ATRNL1: variants seen among roughly 807,000 people sequenced by gnomAD.
ATRNL1 encodes the protein attractin-like protein 1.
A neutral mutation model predicts 182.7 loss-of-function variants in ATRNL1; 95 were observed. That is an observed-to-expected ratio of 0.52 (90% CI 0.44 to 0.62). The LOEUF is 0.62. Ranked by LOEUF, ATRNL1 falls within the 20% of genes least tolerant of loss-of-function variation. The pLI is 0.00. For synonymous variants in ATRNL1, 576 were observed against 568.3 expected (o/e 1.01, Z -0.19); for missense variants, 1,471 against 1,679.5 (o/e 0.88, Z 2.17).
intron 19 of ATRNL1, among the ~76,000 whole-genome samples, chr10:115,335,295 C>T (rs546825571): frequency 4.7e-4 from 71 of 152,202 alleles, no homozygotes; most frequent in African/African-American, 1.5e-3. Flanking sequence ...CACAGAAATA[C>T]GTTTTTGGCT....
chr10:115,365,018 A>G (rs1212079954), intron 19 of ATRNL1, among the ~76,000 whole-genome samples: 4 of 149,650 alleles, frequency 2.7e-5, no homozygotes, highest in South Asian at 4.3e-4. Context: ...TTGGTATCAG[A>G]ATGATGCTGG....
chr10:115,463,968 A>G (rs1393302263), intron 22 of ATRNL1, among the ~76,000 whole-genome samples: 2 of 152,050 alleles, frequency 1.3e-5, no homozygotes, highest in South Asian at 2.1e-4. Context: ...AGTATTGTCC[A>G]TAGTGTCATA....
At chr10:115,194,187 A>G (rs1848269786) in intron 8 of ATRNL1, among the ~76,000 whole-genome samples, 1 of 152,012 alleles carries the variant, frequency 6.6e-6, no homozygotes, top group African/African-American at 2.4e-5. Flanking sequence ...ATTAGATGAA[A>G]TGGTCTGTAA....
At chr10:115,508,801 G>A (rs1391668414) in intron 24 of ATRNL1, among the ~76,000 whole-genome samples, 7 of 152,034 alleles carry the variant, frequency 4.6e-5, no homozygotes, top group African/African-American at 9.7e-5. Context: ...ACAAAAGTGC[G>A]AGGTGAAGCA....
intron 19 of ATRNL1, among the ~76,000 whole-genome samples, chr10:115,377,480 A>G (rs901485703): frequency 2.2e-4 from 33 of 152,274 alleles, no homozygotes; most frequent in Admixed American, 4.6e-4. Context: ...ACGGTTGTCT[A>G]TCTATGTTTC....
At chr10:115,757,053 C>T (rs1237048879) in intron 27 of ATRNL1, among the ~76,000 whole-genome samples, 1 of 151,824 alleles carries the variant, frequency 6.6e-6, no homozygotes, top group African/African-American at 2.4e-5. Context: ...TATGTGTGTC[C>T]CTACACATGA....
At position 115,129,421 on chromosome 10, in the gene ATRNL1, T is replaced by C. The variant is rs781807754; in HGVS notation, c.715T>C (p.Trp239Arg). 2.5e-6 allele frequency: 4 copies of C among 1,614,062 alleles called. No homozygotes were observed. Among genetic ancestry groups the C allele is most frequent in the Non-Finnish European group, 3.4e-6 (4 of 1,179,926 alleles). ...AGTATATTGTGAATGTGATAAATAC[T>C]GGAAGGGTGAAGCTTGTGATATTCC... ...SQVYCECDKYWKGEACDIPYC... is the reference protein window; with the variant it reads ...SQVYCECDKYRKGEACDIPYC... Residue 239 changes from tryptophan (W) to arginine (R), a missense_variant, in exon 5 of 29, where the codon TGG becomes CGG. Trp to Arg is a moderately radical substitution (Grantham distance 101). Transcript: ENST00000355044.
chr10:115,740,862 A>G (rs1948120327), intron 27 of ATRNL1, among the ~76,000 whole-genome samples: 1 of 105,444 alleles, frequency 9.5e-6, no homozygotes, highest in Non-Finnish European at 2.1e-5. Flanking sequence ...ACAAACACAC[A>G]CACAATGTTA....
chr10:115,583,738 T>G (rs1175268733), intron 26 of ATRNL1, among the ~76,000 whole-genome samples: 8 of 150,452 alleles, frequency 5.3e-5, no homozygotes, highest in Non-Finnish European at 8.9e-5. Flanking sequence ...TGAATACCCT[T>G]TATTTCCTTC....
At chr10:115,252,248 C>T (rs1190144352) in intron 10 of ATRNL1, among the ~76,000 whole-genome samples, 4 of 152,102 alleles carry the variant, frequency 2.6e-5, no homozygotes, top group East Asian at 1.9e-4. Flanking sequence ...AGGCTGGTCT[C>T]GAACTCTTGA....
At chr10:115,571,957 T>TAC (rs1182725746) in intron 26 of ATRNL1, among the ~76,000 whole-genome samples, 4 of 152,042 alleles carry the variant, frequency 2.6e-5, no homozygotes, top group Non-Finnish European at 4.4e-5. Flanking sequence ...CAAGTTTATA[T>TAC]ACACACATAG....
chr10:115,429,817 C>T (rs1292986691), intron 21 of ATRNL1, among the ~76,000 whole-genome samples: 1 of 152,090 alleles, frequency 6.6e-6, no homozygotes, highest in Admixed American at 6.5e-5. Context: ...CCTGTAATCC[C>T]AGCACTTTGG....
In ATRNL1 at chr10:115,722,183, A is replaced by AT. The variant is rs1289375847; in HGVS notation, c.3796-5055dup. On this transcript the variant is annotated intron_variant, in intron 26 of 28. Transcript: ENST00000355044. ...TACTTGTCAGTGTTAGACAGGTAGAATTTTTTTTTTATTTTTAAGTTAACA... is the reference window on the plus strand; with the variant it reads ...TACTTGTCAGTGTTAGACAGGTAGAATTTTTTTTTTTATTTTTAAGTTAACA... Among the ~76,000 whole-genome samples, 1,321 of 150,762 alleles carry AT rather than the reference A, an allele frequency of 8.8e-3. 18 individuals carry two copies. The highest frequency in any genetic ancestry group is 0.03 in the African/African-American group (1,235 of 41,146).
At chr10:115,813,860 C>T (rs1950104347) in intron 27 of ATRNL1, among the ~76,000 whole-genome samples, 1 of 151,994 alleles carries the variant, frequency 6.6e-6, no homozygotes, top group South Asian at 2.1e-4. Context: ...TTTTTTATTT[C>T]TCCTTTAATT....
chr10:115,739,414 C>T (rs1279868666), intron 27 of ATRNL1, among the ~76,000 whole-genome samples: 1 of 152,100 alleles, frequency 6.6e-6, no homozygotes, highest in Admixed American at 6.6e-5. Context: ...TTTGGATAAA[C>T]AAGACTGAAT....
rs782760681 is a variant in ATRNL1 at position 115,160,203 on chromosome 10, A to C, written c.993A>C (p.Gln331His). 1 of 1,610,488 alleles carries C rather than the reference A, an allele frequency of 6.2e-7. No individual in the cohort carries two copies. Among genetic ancestry groups the C allele is most frequent in the Non-Finnish European group, 8.5e-7 (1 of 1,177,804 alleles). The change falls in exon 6 of 29, where the codon CAA becomes CAC. Residue 331 changes from glutamine to histidine, a missense_variant. Gln to His is a conservative substitution (Grantham distance 24, BLOSUM62 0). Around this residue, in one of 3 missense-constraint regions of ATRNL1, gnomAD observed 1,031 missense variants for 1,156.0 expected, o/e 0.89. Coordinates refer to ENST00000355044, the MANE Select transcript of ATRNL1 (RefSeq NM_207303.4). The part of the protein sequence containing the change: ...GGYTFNYSSF[Q>H]MVLNYNLESS... Reference sequence around the variant, plus strand: ...ATACTTTTAACTACAGTTCTTTTCAAATGGTCCTAAAGTAAGTATTTATTT... The same window carrying C: ...ATACTTTTAACTACAGTTCTTTTCACATGGTCCTAAAGTAAGTATTTATTT...
chr10:115,285,474 A>T (rs1421703503), intron 14 of ATRNL1, among the ~76,000 whole-genome samples: 3 of 152,122 alleles, frequency 2.0e-5, no homozygotes, highest in African/African-American at 7.2e-5. Context: ...ATAGATCAGT[A>T]TATCAATGAA....
At chr10:115,299,178 T>C (rs1232269483) in intron 15 of ATRNL1, among the ~76,000 whole-genome samples, 4 of 151,780 alleles carry the variant, frequency 2.6e-5, no homozygotes, top group African/African-American at 9.7e-5. Flanking sequence ...TCTATTATCA[T>C]ATATATTAAA....
chr10:115,427,841 A>G (rs1292466806), intron 21 of ATRNL1, among the ~76,000 whole-genome samples: 1 of 151,446 alleles, frequency 6.6e-6, no homozygotes, highest in Non-Finnish European at 1.5e-5. Context: ...TAAGTCCTGA[A>G]ATCGGTTAGT....
Sources: allele counts gnomAD v4.1 joint callset (sites outside exome capture counted in the v4.1 genomes callset), GRCh38; gene constraint gnomAD v4.1.1; regional missense constraint gnomAD v4.1.1; transcripts MANE v1.5; gene names NCBI Gene and HGNC (gene_info 2026-07-23, HGNC 2026-07-21).